The following PCDH15 variants were observed in gnomAD, a reference collection of about 807,000 sequenced individuals.
PCDH15 encodes protocadherin-15.
A neutral mutation model predicts 178.5 loss-of-function variants in PCDH15; 129 were observed. That is an observed-to-expected ratio of 0.72 (90% CI 0.63 to 0.84). PCDH15 has a LOEUF of 0.84. PCDH15 is among the 40% of genes least tolerant of loss of function. The pLI is 0.00. For missense variants in PCDH15, 2,230 were observed against 2,099.9 expected, an observed-to-expected ratio of 1.06 and a Z score of -1.21; for synonymous variants, 800 against 732.0, an observed-to-expected ratio of 1.09 and a Z score of -1.50.
At chr10:53,977,285 A>G (rs139035440) in intron 21 of PCDH15, among the ~76,000 whole-genome samples, 4 of 152,146 alleles carry the variant, frequency 2.6e-5, no homozygotes, top group African/African-American at 7.2e-5. Context: ...CTTGTGCCAC[A>G]CATATAATAC....
intron 23 of PCDH15, among the ~76,000 whole-genome samples, chr10:53,947,214 C>T (rs562247120): frequency 2.0e-5 from 3 of 152,016 alleles, no homozygotes; most frequent in Admixed American, 1.3e-4. Flanking sequence ...AAATGTTAGA[C>T]CCAGTTTTTA....
At chr10:53,917,072 G>C (rs560686094) in intron 25 of PCDH15, among the ~76,000 whole-genome samples, 30 of 152,178 alleles carry the variant, frequency 2.0e-4, no homozygotes, top group Admixed American at 1.8e-3. Context: ...CATATTTTTA[G>C]TGCAAGTAAA....
At chr10:55,581,776 A>C (rs1401559819) in intron 2 of PCDH15, among the ~76,000 whole-genome samples, 1 of 152,166 alleles carries the variant, frequency 6.6e-6, no homozygotes, top group Non-Finnish European at 1.5e-5. Flanking sequence ...GTAATTAAAT[A>C]AGAAATCCAC....
intron 2 of PCDH15, among the ~76,000 whole-genome samples, chr10:55,369,033 A>AC (rs869230851): frequency 2.1e-5 from 3 of 144,244 alleles, no homozygotes; most frequent in South Asian, 2.2e-4. Context: ...AAAAAAAAAA[A>AC]CCCCAGCAAG....
intron 2 of PCDH15, among the ~76,000 whole-genome samples, chr10:55,583,303 T>C (rs1360662062): frequency 2.0e-5 from 3 of 152,230 alleles, no homozygotes; most frequent in Non-Finnish European, 4.4e-5. Flanking sequence ...ATTATGCAAG[T>C]GTAAAGTGTT....
intron 2 of PCDH15, among the ~76,000 whole-genome samples, chr10:55,075,594 A>G (rs1005544675): frequency 6.6e-6 from 1 of 151,618 alleles, no homozygotes; most frequent in African/African-American, 2.4e-5. Flanking sequence ...CTGTCTCCTG[A>G]CCTCGTGATC....
chr10:54,194,758 C>T (rs1355581711), intron 11 of PCDH15, among the ~76,000 whole-genome samples: 1 of 151,018 alleles, frequency 6.6e-6, no homozygotes, highest in Non-Finnish European at 1.5e-5. Context: ...ATACACAAAA[C>T]ATATGTATAC....
chr10:53,853,722 T>C (rs1036694553), intron 28 of PCDH15, among the ~76,000 whole-genome samples: 2 of 151,898 alleles, frequency 1.3e-5, no homozygotes, highest in African/African-American at 4.8e-5. Context: ...TGATATATCA[T>C]CTCACACATT....
intron 2 of PCDH15, among the ~76,000 whole-genome samples, chr10:55,053,935 G>C (rs574833567): frequency 6.6e-6 from 1 of 152,216 alleles, no homozygotes; most frequent in African/African-American, 2.4e-5. Context: ...AGAGAAAAGC[G>C]AAGAAAACTA....
chr10:54,648,339 C>A (rs1383702837), intron 2 of PCDH15, among the ~76,000 whole-genome samples: 1 of 151,898 alleles, frequency 6.6e-6, no homozygotes, highest in Non-Finnish European at 1.5e-5. Context: ...AGGAGGACAC[C>A]AAAAATGTGA....
chr10:55,461,322 T>G (rs1407870548), intron 2 of PCDH15, among the ~76,000 whole-genome samples: 2 of 152,262 alleles, frequency 1.3e-5, no homozygotes, highest in East Asian at 3.9e-4. Context: ...AGTAACCTAT[T>G]TCAGGCAGGA....
At chr10:55,542,770 T>C (rs867957640) in intron 2 of PCDH15, among the ~76,000 whole-genome samples, 4 of 4,322 alleles carry the variant, frequency 9.3e-4, no homozygotes, top group African/African-American at 5.8e-3. Context: ...TACAGACATA[T>C]GTATGTGTCT....
chr10:55,179,428 A>G (rs1020472346), intron 1 of PCDH15, among the ~76,000 whole-genome samples: 1 of 152,098 alleles, frequency 6.6e-6, no homozygotes, highest in Non-Finnish European at 1.5e-5. Flanking sequence ...GATAGAGTCC[A>G]TGACCAGAGT....
At chr10:54,445,130 G>A (rs2076067736) in intron 3 of PCDH15, among the ~76,000 whole-genome samples, 1 of 150,994 alleles carries the variant, frequency 6.6e-6, no homozygotes, top group Admixed American at 6.6e-5. Context: ...CTGCTCCTCT[G>A]AGTCAAAGCC....
chr10:54,503,761 A>C (rs563300930), intron 3 of PCDH15, among the ~76,000 whole-genome samples: 2 of 152,250 alleles, frequency 1.3e-5, no homozygotes, highest in South Asian at 2.1e-4. Context: ...AACTATGTAG[A>C]ATGTGAGGCA....
intron 2 of PCDH15, among the ~76,000 whole-genome samples, chr10:55,050,656 G>A (rs1325435844): frequency 1.3e-5 from 2 of 151,926 alleles, no homozygotes; most frequent in African/African-American, 2.4e-5. Context: ...CCTCTACATT[G>A]AGGATATATC....
Position 54,908,602 on chromosome 10 carries a change from T to C in PCDH15, c.-79-11102A>G, listed in dbSNP as rs543806700. On this transcript the variant is annotated intron_variant, in intron 2 of 5. Transcript: ENST00000458638. ...AGCTCTTTTAGCTCTAACATTTGCC[T>C]TGTCCAGAGTTCTTGTCCTGCATCC... 3.3e-5 allele frequency among the ~76,000 whole-genome samples: 5 copies of C among 152,334 alleles called. No individual in the cohort carries two copies. In the South Asian group the frequency reaches 1.0e-3, roughly 32 times the overall value.
At chr10:54,628,817 T>C (rs975879707) in intron 2 of PCDH15, among the ~76,000 whole-genome samples, 4 of 152,134 alleles carry the variant, frequency 2.6e-5, no homozygotes, top group Admixed American at 2.0e-4. Context: ...ATAAATACAA[T>C]GTGGCTGACA....
intron 1 of PCDH15, among the ~76,000 whole-genome samples, chr10:55,180,356 C>T (rs1215790281): frequency 6.6e-6 from 1 of 152,048 alleles, no homozygotes; most frequent in Non-Finnish European, 1.5e-5. Context: ...GATTCTATAC[C>T]TTTGAGATGG....
Sources: gnomAD v4.1 joint callset for allele counts (sites outside exome capture counted in the v4.1 genomes callset) on GRCh38, gnomAD v4.1.1 for gene constraint, MANE v1.5 for transcripts, NCBI Gene and HGNC (gene_info 2026-07-23, HGNC 2026-07-21) for gene names.